Variants in ARHGEF1 observed in about 807,000 individuals in gnomAD.
ARHGEF1 encodes Rho guanine nucleotide exchange factor 1, also known as 115 kDa guanine nucleotide exchange factor.
Under a neutral mutation model 119.7 loss-of-function variants are expected in ARHGEF1, and 40 were observed. The observed-to-expected ratio is 0.33, with a 90% CI of 0.26 to 0.44. ARHGEF1 has a LOEUF of 0.44. Among genes scored for constraint, ARHGEF1 ranks in the 20% least tolerant of loss-of-function variants. The pLI is 1.00. For synonymous variants in ARHGEF1, 494 were observed against 521.0 expected (o/e 0.95, Z 0.71); for missense variants, 976 against 1,268.3 (o/e 0.77, Z 3.50).
Position 41,888,939 on chromosome 19 carries a change from C to T in ARHGEF1, c.225+74C>T, listed in dbSNP as rs868924026. ...CACAGCTTTTAGCGAATTAAACCAG[C>T]GAGCTAGTGCCTGGAGGGTCTGGAA... On this transcript the variant is annotated intron_variant, in intron 4 of 28. Coordinates refer to ENST00000354532, the MANE Select transcript of ARHGEF1 (RefSeq NM_004706.4). This position sits in a 1 kb window ranked among gnomAD's most constrained non-coding sequence, Gnocchi z 5.1. The T allele has an allele frequency of 5.1e-5, 65 of 1,263,154 alleles. No homozygotes were observed. Among genetic ancestry groups the T allele is most frequent in the African/African-American group, 6.0e-5 (4 of 67,092 alleles). The allele number at this position is 1,263,154 out of a possible 1,614,324, so 78.2% of individuals were successfully genotyped here.
At chr19:41,896,807 C>CTT in intron 13 of ARHGEF1, 1 of 436,076 alleles carries the variant, frequency 2.3e-6, no homozygotes, top group South Asian at 1.7e-5. Flanking sequence ...CTCTCACCTC[C>CTT]CCTCTCCTCT....
At chr19:41,898,152 G>A (rs1349130411) in intron 13 of ARHGEF1, 25 of 1,408,284 alleles carry the variant, frequency 1.8e-5, no homozygotes, top group African/African-American at 2.9e-5. Flanking sequence ...CACTAAGGCA[G>A]CCTGGAGAAT....
upstream of ARHGEF1, among the ~76,000 whole-genome samples, chr19:41,921,079 G>A (rs782437181): frequency 1.3e-5 from 2 of 152,190 alleles, no homozygotes; most frequent in African/African-American, 4.8e-5. The surrounding 1 kb of genome is among the most constrained non-coding windows in gnomAD (Gnocchi z 4.4). Flanking sequence ...CCGGGGAGGT[G>A]GGAGCCGCAG....
Position 41,906,129 on chromosome 19 carries a change from C to A in ARHGEF1, c.2491+104C>A. 8.5e-7 allele frequency: 1 copy of A among 1,176,558 alleles called. No homozygotes were observed. The highest frequency in any genetic ancestry group is 1.2e-6 in the Non-Finnish European group (1 of 817,124). 72.9% of individuals were successfully genotyped at this position (1,176,558 alleles called of 1,614,324 possible). A position where few individuals can be genotyped will look rare whatever the true frequency, so the allele number is the denominator to read the frequency against. On this transcript the variant is annotated intron_variant, in intron 26 of 28. Transcript: ENST00000354532. This position sits in a 1 kb window ranked among gnomAD's most constrained non-coding sequence, Gnocchi z 4.5. ...TCAAAAATTTCCTTACGCCCAGCTGCCAGAAAACAAATGCTCCAAACCCAC... is the reference window on the plus strand; with the variant it reads ...TCAAAAATTTCCTTACGCCCAGCTGACAGAAAACAAATGCTCCAAACCCAC...
Position 41,916,617 on chromosome 19 carries a change from A to G in ARHGEF1, c.1866-6475A>G, listed in dbSNP as rs1300229410. Among the ~76,000 whole-genome samples the G allele has an allele frequency of 6.6e-6, 1 of 152,034 alleles. No homozygotes were observed. Among genetic ancestry groups the G allele is most frequent in the African/African-American group, 2.4e-5 (1 of 41,388 alleles). On this transcript the variant is annotated intron_variant, in intron 18 of 20. Coordinates refer to the ARHGEF1 transcript ENST00000599589. The surrounding 1 kb of genome is among the most constrained non-coding windows in gnomAD (Gnocchi z 5.4). ...AGAAACCCAGATTCCCAAGCACACA[A>G]TCGCACACTGAGACAACAGCACACA...
At chr19:41,918,741 CACAT>C (rs1417677118), upstream of ARHGEF1, among the ~76,000 whole-genome samples, 2 of 149,366 alleles carry the variant, frequency 1.3e-5, no homozygotes, top group African/African-American at 2.5e-5. Flanking sequence ...CACCACCCCA[CACAT>C]ACACACACCA....
chr19:41,915,552 C>T (rs2074795835), intron 18 of ARHGEF1, among the ~76,000 whole-genome samples: 3 of 152,068 alleles, frequency 2.0e-5, no homozygotes, highest in South Asian at 4.2e-4. Flanking sequence ...TCTCCACACC[C>T]CTGTCTCCGT....
At chr19:41,912,036 C>G (rs2074755417), downstream of ARHGEF1, among the ~76,000 whole-genome samples, 1 of 152,092 alleles carries the variant, frequency 6.6e-6, no homozygotes, top group African/African-American at 2.4e-5. Context: ...CCGAGACAGA[C>G]CGCAAGAAAC....
chr19:41,907,518 C>A, downstream of ARHGEF1: 2 of 1,007,870 alleles, frequency 2.0e-6, no homozygotes, highest in Non-Finnish European at 2.8e-6. Flanking sequence ...GACTGTCTGG[C>A]GTTGACATCC....
At chr19:41,897,687 C>A in intron 13 of ARHGEF1, 1 of 377,108 alleles carries the variant, frequency 2.7e-6, no homozygotes, top group Non-Finnish European at 4.8e-6. Flanking sequence ...ATGTTTGATC[C>A]CTGTCCTGGT....
At chr19:41,908,709 A>C, downstream of ARHGEF1, 3 of 1,153,154 alleles carry the variant, frequency 2.6e-6, no homozygotes, top group Non-Finnish European at 3.3e-6. The surrounding 1 kb of genome is among the most constrained non-coding windows in gnomAD (Gnocchi z 6.7). Flanking sequence ...AGGCTGGGGC[A>C]CCTGCCTGCC....
chr19:41,929,129 G>C, intron 2 of ARHGEF1: 1 of 305,710 alleles, frequency 3.3e-6, no homozygotes, highest in South Asian at 2.5e-5. Flanking sequence ...ACCGGTACAC[G>C]GAGACATTCA....
intron 14 of ARHGEF1, among the ~76,000 whole-genome samples, chr19:41,899,920 T>TAA (rs201057180): frequency 1.4e-3 from 196 of 135,518 alleles, no homozygotes; most frequent in African/African-American, 4.2e-3. Context: ...AAGGACATGA[T>TAA]AAAAAAAAAA....
In ARHGEF1 at chr19:41,916,019, C is replaced by G. The variant is rs542627014; in HGVS notation, c.1866-7073C>G. 1.3e-5 allele frequency among the ~76,000 whole-genome samples: 2 copies of G among 152,070 alleles called. No homozygotes were observed. The highest frequency in any genetic ancestry group is 2.4e-5 in the African/African-American group (1 of 41,436). The stretch of plus-strand genomic sequence containing the variant: ...TAATTTTATTTTGCTTCCTCCACCC[C>G]CCCTTCGCCCCCCATCTCTACCGCC... On this transcript the variant is annotated intron_variant, in intron 18 of 20. Transcript: ENST00000599589. This position sits in a 1 kb window ranked among gnomAD's most constrained non-coding sequence, Gnocchi z 5.4.
At chr19:41,910,568 C>T (rs758901434), downstream of ARHGEF1, among the ~76,000 whole-genome samples, 1 of 152,152 alleles carries the variant, frequency 6.6e-6, no homozygotes, top group Admixed American at 6.5e-5. This position sits in a 1 kb window ranked among gnomAD's most constrained non-coding sequence, Gnocchi z 4.4. Context: ...TTTCGACATT[C>T]CCCAGAGCCC....
At chr19:41,896,792 CT>C (rs2074499400) in intron 13 of ARHGEF1, 1 of 488,654 alleles carries the variant, frequency 2.0e-6, no homozygotes, top group South Asian at 1.6e-5. Flanking sequence ...TTATTTCCCC[CT>C]CCTCTCTCAC....
rs781951564 is a variant in ARHGEF1 at position 41,896,424 on chromosome 19, A to G, written c.1063A>G (p.Met355Val). 8 of 1,468,218 alleles carry G rather than the reference A, an allele frequency of 5.4e-6. No homozygotes were observed. The highest frequency in any genetic ancestry group is 2.6e-5 in the Admixed American group (1 of 38,292). The allele number at this position is 1,468,218 out of a possible 1,614,324, so 90.9% of individuals were successfully genotyped here. A position where few individuals can be genotyped will look rare whatever the true frequency, so the allele number is the denominator to read the frequency against. ...GGGGGACTCATCCCCGCAGGGCCCA[A>G]TGAGCCTGGAGTCCTTGGCGCCCCC... ...ELGDSSPQGP[M>V]SLESLAPPES... The change falls in exon 13 of 29, where the codon ATG becomes GTG. Residue 355 changes from methionine to valine, a missense_variant. Transcript: ENST00000354532.
chr19:41,926,215 C>T (rs1401945088), intron 1 of ARHGEF1, among the ~76,000 whole-genome samples: 4 of 151,008 alleles, frequency 2.6e-5, no homozygotes, highest in Admixed American at 6.6e-5. Context: ...TAAGAGGGGA[C>T]GTATGCTCCC....
intron 1 of ARHGEF1, chr19:41,928,449 T>G (rs1307723515): frequency 6.5e-6 from 1 of 154,718 alleles, no homozygotes; most frequent in Non-Finnish European, 1.4e-5. Flanking sequence ...GGGGCGGCCC[T>G]GCCTCCTGCG....
Sources: allele counts gnomAD v4.1 joint callset (sites outside exome capture counted in the v4.1 genomes callset), GRCh38; gene constraint gnomAD v4.1.1; non-coding constraint Gnocchi (gnomAD v3.1); transcripts MANE v1.5; gene names NCBI Gene and HGNC (gene_info 2026-07-23, HGNC 2026-07-21).